The following LRRTM1 variants were observed in gnomAD, a reference collection of about 807,000 sequenced individuals.
The protein encoded by LRRTM1 is leucine-rich repeat transmembrane neuronal protein 1.
Under a neutral mutation model 37.3 loss-of-function variants are expected in LRRTM1, and 8 were observed. The observed-to-expected ratio is 0.21, with a 90% CI of 0.13 to 0.39. The LOEUF is 0.39. LRRTM1 is among the 10% of genes least tolerant of loss of function. LRRTM1 has a pLI of 1.00. For synonymous variants in LRRTM1, 326 were observed against 316.8 expected (o/e 1.03, Z -0.31); for missense variants, 557 against 691.0 (o/e 0.81, Z 2.17).
chr2:80,303,184 G>C lies in LRRTM1; in HGVS notation c.636C>G (p.Thr212=), dbSNP rs1030988914. 3.1e-6 allele frequency: 5 copies of C among 1,614,074 alleles called. No homozygotes were observed. Among genetic ancestry groups the C allele is most frequent in the African/African-American group, 1.3e-5 (1 of 75,036 alleles). The change falls in exon 2 of 2, where the codon ACC becomes ACG. Residue 212 remains threonine, a synonymous_variant. Transcript: ENST00000295057. This position sits in a 1 kb window ranked among gnomAD's most constrained non-coding sequence, Gnocchi z 7.7. ...RNSFAGLFKL[T]ELHLEHNDLV... ...AGTCGTTGTGCTCGAGGTGCAGCTC[G>C]GTGAGCTTAAACAAGCCGGCGAAAG... is the stretch of plus-strand genomic sequence containing the variant.
chr2:80,302,278 C>T lies in LRRTM1; in HGVS notation c.1542G>A (p.Gln514=). ...INEYGSCTCH[Q]QPARECEV is the part of the protein sequence containing the mutation. The stretch of plus-strand genomic sequence containing the variant: ...ACACCTCGCATTCCCTCGCGGGCTG[C>T]TGGTGGCAGGTACACGAGCCATACT... The change falls in exon 2 of 2, where the codon CAG becomes CAA. Residue 514 remains glutamine, a synonymous_variant. Coordinates refer to ENST00000295057, the MANE Select transcript of LRRTM1 (RefSeq NM_178839.5). This position sits in a 1 kb window ranked among gnomAD's most constrained non-coding sequence, Gnocchi z 6.4. The T allele has an allele frequency of 6.2e-7, 1 of 1,613,780 alleles. No homozygotes were observed. Among genetic ancestry groups the T allele is most frequent in the South Asian group, 1.1e-5 (1 of 91,034 alleles).
intron 2 of LRRTM1, among the ~76,000 whole-genome samples, chr2:80,296,503 G>A (rs573622056): frequency 2.0e-5 from 3 of 152,256 alleles, no homozygotes; most frequent in Non-Finnish European, 4.4e-5. Flanking sequence ...TGTTAACTAT[G>A]TGTTAACTTT....
At chr2:80,290,375 C>T (rs1675129131) in intron 2 of LRRTM1, among the ~76,000 whole-genome samples, 1 of 152,042 alleles carries the variant, frequency 6.6e-6, no homozygotes, top group Admixed American at 6.6e-5. Flanking sequence ...CCCAAACTTC[C>T]TTGACCTTCT....
intron 2 of LRRTM1, among the ~76,000 whole-genome samples, chr2:80,295,547 T>C (rs1203982124): frequency 6.6e-6 from 1 of 152,252 alleles, no homozygotes; most frequent in Non-Finnish European, 1.5e-5. Context: ...AATTTTCTGG[T>C]TAAGTGACAC....
intron 2 of LRRTM1, among the ~76,000 whole-genome samples, chr2:80,291,780 G>T (rs899435884): frequency 6.6e-6 from 1 of 152,184 alleles, no homozygotes; most frequent in Non-Finnish European, 1.5e-5. Context: ...CTTGTAGCTG[G>T]CTGCTAGCCT....
intron 2 of LRRTM1, among the ~76,000 whole-genome samples, chr2:80,289,855 G>A (rs765061639): frequency 1.1e-4 from 17 of 152,176 alleles, no homozygotes; most frequent in Non-Finnish European, 2.4e-4. Flanking sequence ...TTGCCTCCCT[G>A]CTCCCTGCTA....
At chr2:80,296,021 G>A (rs56271531) in intron 2 of LRRTM1, among the ~76,000 whole-genome samples, 4,843 of 152,076 alleles carry the variant, frequency 0.032, 243 homozygotes, top group African/African-American at 0.11. Context: ...TCACCAGACT[G>A]AGCACATTGA....
exon 3 of LRRTM1, chr2:80,288,972 G>A (rs998163622): frequency 6.6e-6 from 1 of 152,150 alleles, no homozygotes; most frequent in Non-Finnish European, 1.5e-5. Flanking sequence ...ACAGATATGG[G>A]ACCACAGTAG....
At chr2:80,291,875 G>A (rs957292169) in intron 2 of LRRTM1, among the ~76,000 whole-genome samples, 2 of 152,200 alleles carry the variant, frequency 1.3e-5, no homozygotes, top group Non-Finnish European at 2.9e-5. Context: ...CCAGACCACA[G>A]TGGTAAAGGC....
chr2:80,294,503 C>T (rs1675562486), intron 2 of LRRTM1, among the ~76,000 whole-genome samples: 2 of 151,974 alleles, frequency 1.3e-5, no homozygotes, highest in African/African-American at 4.8e-5. Context: ...ACCAGCCAAC[C>T]ATGTCTTTTT....
intron 2 of LRRTM1, among the ~76,000 whole-genome samples, chr2:80,291,826 A>C (rs1318300151): frequency 6.6e-6 from 1 of 152,190 alleles, no homozygotes; most frequent in Non-Finnish European, 1.5e-5. Flanking sequence ...GTGTGTGCAC[A>C]TGGCCACGTG....
Position 80,302,659 on chromosome 2 carries a change from AG to A in LRRTM1, c.1160del (p.Pro387LeufsTer116). The A allele has an allele frequency of 6.2e-7, 1 of 1,609,952 alleles. No homozygotes were observed. On this transcript the variant is annotated frameshift_variant, in exon 2 of 2. Coordinates refer to ENST00000295057, the MANE Select transcript of LRRTM1 (RefSeq NM_178839.5). LOFTEE classifies it high-confidence loss of function. The surrounding 1 kb of genome is among the most constrained non-coding windows in gnomAD (Gnocchi z 6.4). Reference protein sequence around the residue: ...AVTNRSDLGPPASSATTLADG... With the variant: ...AVTNRSDLGPXASSATTLADG... ...CCGCGAGCGTGGTGGCCGAGCTGGC[AG>A]GGGGCCCCAGATCACTGCGGTTGGT... is the stretch of plus-strand genomic sequence containing the variant.
At position 80,304,402 on chromosome 2, in the gene LRRTM1, T is replaced by C. The variant is rs1415942116; in HGVS notation, c.-310A>G. 5 of 152,710 alleles carry C rather than the reference T, an allele frequency of 3.3e-5. No homozygotes were observed. 9.5% of individuals were successfully genotyped at this position (152,710 alleles called of 1,614,324 possible). On this transcript the variant is annotated 5_prime_UTR_variant, in exon 1 of 2. Coordinates refer to ENST00000295057, the MANE Select transcript of LRRTM1 (RefSeq NM_178839.5). ...TGCCGGAGCCCGAGCTTCGCCTTCC[T>C]GCCGCCTTCCTTTCCCTCTGCAGTT... is the stretch of plus-strand genomic sequence containing the variant.
downstream of LRRTM1, among the ~76,000 whole-genome samples, chr2:80,301,570 C>T (rs1349598128): frequency 6.6e-6 from 1 of 152,216 alleles, no homozygotes; most frequent in Non-Finnish European, 1.5e-5. Context: ...TAAGGGTGCC[C>T]AGTCCTCAGT....
intron 2 of LRRTM1, among the ~76,000 whole-genome samples, chr2:80,292,332 C>T (rs180682715): frequency 6.6e-6 from 1 of 152,160 alleles, no homozygotes; most frequent in Non-Finnish European, 1.5e-5. Flanking sequence ...ATTGCCTTGC[C>T]AAAGTCACTC....
At chr2:80,301,579 G>C (rs1676312102), downstream of LRRTM1, among the ~76,000 whole-genome samples, 1 of 152,232 alleles carries the variant, frequency 6.6e-6, no homozygotes, top group African/African-American at 2.4e-5. Flanking sequence ...CCAGTCCTCA[G>C]TCCACCTCTC....
At chr2:80,301,594 G>A (rs189897166), downstream of LRRTM1, among the ~76,000 whole-genome samples, 56 of 152,326 alleles carry the variant, frequency 3.7e-4, no homozygotes, top group Admixed American at 2.0e-3. Flanking sequence ...CCTCTCAGTT[G>A]CCTGAAGGTG....
chr2:80,290,814 G>A (rs1479262674), intron 2 of LRRTM1, among the ~76,000 whole-genome samples: 1 of 152,044 alleles, frequency 6.6e-6, no homozygotes, highest in African/African-American at 2.4e-5. Flanking sequence ...AAAAAGAAAA[G>A]AAGGAAGGAA....
At position 80,302,022 on chromosome 2, in the gene LRRTM1, A is replaced by G. The variant is rs1676368799; in HGVS notation, c.*229T>C. The G allele has an allele frequency of 4.1e-6, 2 of 486,068 alleles. No individual in the cohort carries two copies. The highest frequency in any genetic ancestry group is 5.3e-4 in the Middle Eastern group (1 of 1,902). The allele number at this position is 486,068 out of a possible 1,614,324, so 30.1% of individuals were successfully genotyped here. ...GGAGTTCTCATATGAAATTTAAGAT[A>G]GACTGTCCTGAAGGTTGTGGGGTGG... On this transcript the variant is annotated 3_prime_UTR_variant, in exon 2 of 2. Coordinates refer to ENST00000295057, the MANE Select transcript of LRRTM1 (RefSeq NM_178839.5). This position sits in a 1 kb window ranked among gnomAD's most constrained non-coding sequence, Gnocchi z 6.4.
Sources: gnomAD v4.1 joint callset for allele counts (sites outside exome capture counted in the v4.1 genomes callset) on GRCh38, gnomAD v4.1.1 for gene constraint, Gnocchi (gnomAD v3.1) non-coding constraint, MANE v1.5 for transcripts, NCBI Gene and HGNC (gene_info 2026-07-23, HGNC 2026-07-21) for gene names.